NOL11: variants seen among roughly 807,000 people sequenced by gnomAD.
NOL11 encodes nucleolar protein 11.
A neutral mutation model predicts 93.0 loss-of-function variants in NOL11; 42 were observed. The ratio of observed to expected loss-of-function variants is 0.45; its 90% confidence interval spans 0.35 to 0.58. The LOEUF is 0.58. Among genes scored for constraint, NOL11 ranks in the 20% least tolerant of loss-of-function variants. NOL11 has a pLI of 0.00. For missense variants in NOL11, 775 were observed against 841.8 expected, an observed-to-expected ratio of 0.92 and a Z score of 0.98; for synonymous variants, 296 against 293.7, an observed-to-expected ratio of 1.01 and a Z score of -0.08.
chr17:67,732,306 AC>A (rs1396103362), intron 7 of NOL11, among the ~76,000 whole-genome samples: 3 of 151,732 alleles, frequency 2.0e-5, no homozygotes, highest in Non-Finnish European at 4.4e-5. Context: ...ACATGGAGAA[AC>A]CCTGTCTCTA....
At chr17:67,725,845 C>G (rs9914227) in intron 6 of NOL11, among the ~76,000 whole-genome samples, 3,401 of 152,110 alleles carry the variant, frequency 0.022, 162 homozygotes, top group African/African-American at 0.078. Context: ...TTTGGGAGAC[C>G]AAGGCAGGAG....
chr17:67,718,507 C>T (rs2043193052), intron 1 of NOL11, among the ~76,000 whole-genome samples: 1 of 152,144 alleles, frequency 6.6e-6, no homozygotes, highest in African/African-American at 2.4e-5. Flanking sequence ...ACACTTCACA[C>T]CCCTCTCTTT....
intron 10 of NOL11, 104 bp downstream of exon 10, chr17:67,736,858 A>T (rs536973062): frequency 3.0e-5 from 27 of 895,342 alleles, no homozygotes; most frequent in Non-Finnish European, 4.5e-5. Context: ...TAGAGCTTTG[A>T]CTATAATGAC....
At chr17:67,726,248 C>T (rs2055090887) in intron 6 of NOL11, among the ~76,000 whole-genome samples, 1 of 152,176 alleles carries the variant, frequency 6.6e-6, no homozygotes, top group Non-Finnish European at 1.5e-5. Context: ...TTGACTATTA[C>T]ATTTCTTACT....
At chr17:67,722,428 T>A (rs1271713656) in intron 4 of NOL11, 152 bp from the exon 5 acceptor site, 1 of 1,190,376 alleles carries the variant, frequency 8.4e-7, no homozygotes, top group Non-Finnish European at 1.1e-6. Flanking sequence ...TTGCTTGTGG[T>A]ATATGTTTCA....
At chr17:67,729,968 C>G (rs2055136702) in intron 7 of NOL11, among the ~76,000 whole-genome samples, 1 of 151,448 alleles carries the variant, frequency 6.6e-6, no homozygotes, top group Admixed American at 6.6e-5. Flanking sequence ...GCTCTGAGGT[C>G]TTGCTACGAG....
intron 7 of NOL11, among the ~76,000 whole-genome samples, chr17:67,731,241 G>A (rs1037036298): frequency 1.4e-5 from 2 of 141,792 alleles, no homozygotes; most frequent in African/African-American, 5.3e-5. Flanking sequence ...ATGTCCCTTC[G>A]TGCACAAAAG....
intron 10 of NOL11, 94 bp downstream of exon 10, chr17:67,736,848 T>TA: frequency 1.1e-6 from 1 of 937,304 alleles, no homozygotes; most frequent in Non-Finnish European, 1.6e-6. Flanking sequence ...TTACAACTCT[T>TA]AGAGCTTTGA....
intron 5 of NOL11, among the ~76,000 whole-genome samples, chr17:67,722,840 C>CACT (rs2143084271): frequency 6.6e-6 from 1 of 152,186 alleles, no homozygotes; most frequent in African/African-American, 2.4e-5. Flanking sequence ...TACAGGCATG[C>CACT]ACTACCATCC....
In NOL11 at chr17:67,726,455, A is replaced by C; in HGVS notation, c.665-5A>C. ...TAACCAACAACAAATGCTTGTTTCCAACAGGCTCTGATGGTTGTATATATG... is the reference window on the plus strand; with the variant it reads ...TAACCAACAACAAATGCTTGTTTCCCACAGGCTCTGATGGTTGTATATATG... On this transcript the variant is annotated splice_polypyrimidine_tract_variant and splice_region_variant and intron_variant, in intron 6 of 17. Transcript: ENST00000253247. 1 of 1,602,634 alleles carries C rather than the reference A, an allele frequency of 6.2e-7. No homozygotes were observed. The highest frequency in any genetic ancestry group is 8.5e-7 in the Non-Finnish European group (1 of 1,176,172).
At chr17:67,735,519 T>A (rs948044282) in intron 8 of NOL11, among the ~76,000 whole-genome samples, 11 of 152,088 alleles carry the variant, frequency 7.2e-5, no homozygotes, top group Non-Finnish European at 1.5e-4. Flanking sequence ...ATTTTTACAA[T>A]CATAAAATAT....
At position 67,738,527 on chromosome 17, in the gene NOL11, T is replaced by G. The variant is rs77261294; in HGVS notation, c.1763+172T>G. ...CAATGCTACGTTAAGTAAGGTTTAC[T>G]TAAACCTGTTTAATTTAACTAGGCT... On this transcript the variant is annotated intron_variant, in intron 14 of 17. Transcript: ENST00000253247. 2.8e-3 allele frequency: 1,610 copies of G among 577,646 alleles called. 21 individuals are homozygous for G. Among genetic ancestry groups the G allele is most frequent in the African/African-American group, 0.028 (1,492 of 53,690 alleles). 35.8% of individuals were successfully genotyped at this position (577,646 alleles called of 1,614,324 possible). A position where few individuals can be genotyped will look rare whatever the true frequency, so the allele number is the denominator to read the frequency against.
chr17:67,721,271 C>A, intron 3 of NOL11, 107 bp from the exon 4 acceptor site: 1 of 651,464 alleles, frequency 1.5e-6, no homozygotes, highest in Non-Finnish European at 2.4e-6. Context: ...AAAATTAATT[C>A]AAAATGAAAA....
chr17:67,736,115 C>A, intron 9 of NOL11, 92 bp downstream of exon 9: 1 of 1,221,156 alleles, frequency 8.2e-7, no homozygotes, highest in Non-Finnish European at 1.1e-6. Context: ...ATTTGTAAAG[C>A]TTTTTCTTAA....
chr17:67,733,830 A>T (rs981693116), intron 7 of NOL11, among the ~76,000 whole-genome samples: 2 of 151,954 alleles, frequency 1.3e-5, no homozygotes, highest in Non-Finnish European at 2.9e-5. Flanking sequence ...CTACCCTTTC[A>T]TCCCTGGAGT....
At chr17:67,728,406 G>A (rs1393950913) in intron 7 of NOL11, among the ~76,000 whole-genome samples, 1 of 152,178 alleles carries the variant, frequency 6.6e-6, no homozygotes, top group Non-Finnish European at 1.5e-5. Context: ...GGAAACTGAG[G>A]TATGAGGTAA....
At chr17:67,720,857 T>TCTAG (rs889796960) in intron 3 of NOL11, among the ~76,000 whole-genome samples, 20 of 152,250 alleles carry the variant, frequency 1.3e-4, no homozygotes, top group Admixed American at 1.0e-3. Context: ...CCTTGAAACT[T>TCTAG]CTAGCTAGCT....
chr17:67,726,691 C>T (rs2055097636), intron 7 of NOL11, 43 bp downstream of exon 7: 1 of 1,405,728 alleles, frequency 7.1e-7, no homozygotes, highest in Admixed American at 2.4e-5. Flanking sequence ...TGTATGTTTC[C>T]TTCACGGTGT....
chr17:67,725,205 T>G (rs1414584750), intron 6 of NOL11, among the ~76,000 whole-genome samples: 1 of 152,216 alleles, frequency 6.6e-6, no homozygotes. Context: ...TGCTTGGCAT[T>G]GAATGGCCCC....
Sources: gnomAD v4.1 joint callset for allele counts (sites outside exome capture counted in the v4.1 genomes callset) on GRCh38, gnomAD v4.1.1 for gene constraint, MANE v1.5 for transcripts, NCBI Gene and HGNC (gene_info 2026-07-23, HGNC 2026-07-21) for gene names.